NR2C2: variants seen among roughly 807,000 people sequenced by gnomAD.
NR2C2 encodes the protein nuclear receptor subfamily 2 group C member 2.
In NR2C2, 6 loss-of-function variants were observed where a neutral mutation model predicts 62.9. That is an observed-to-expected ratio of 0.10 (90% confidence interval 0.05 to 0.19). NR2C2 has a LOEUF of 0.19. Ranked by LOEUF, NR2C2 falls within the 10% of genes least tolerant of loss-of-function variation. NR2C2 has a pLI of 1.00. For missense variants in NR2C2, 479 were observed against 762.7 expected, an observed-to-expected ratio of 0.63 and a Z score of 4.38; for synonymous variants, 272 against 273.8, an observed-to-expected ratio of 0.99 and a Z score of 0.07.
chr3:15,005,368 C>CTTTTTT (rs761731325), intron 2 of NR2C2, among the ~76,000 whole-genome samples: 1 of 83,048 alleles, frequency 1.2e-5, no homozygotes, highest in Non-Finnish European at 2.2e-5. Flanking sequence ...ACGCATAATG[C>CTTTTTT]TTTTTTTTTT....
intron 1 of NR2C2, among the ~76,000 whole-genome samples, chr3:14,968,405 C>A (rs1325841118): frequency 6.6e-6 from 1 of 152,076 alleles, no homozygotes; most frequent in East Asian, 1.9e-4. Flanking sequence ...CACTGGTCAT[C>A]AGAGAAATGC....
chr3:14,993,970 CTGTT>C (rs544358189), intron 1 of NR2C2, among the ~76,000 whole-genome samples: 246 of 152,298 alleles, frequency 1.6e-3, no homozygotes, highest in African/African-American at 4.9e-3. Context: ...TTTCCAGTAA[CTGTT>C]TGTCCTCCAC....
chr3:14,989,656 G>T (rs1002137926), intron 1 of NR2C2, among the ~76,000 whole-genome samples: 1 of 151,944 alleles, frequency 6.6e-6, no homozygotes, highest in Non-Finnish European at 1.5e-5. Context: ...ATTTGACTGG[G>T]TGTGGTGGCT....
chr3:14,982,173 T>G (rs1280055008), intron 1 of NR2C2, among the ~76,000 whole-genome samples: 1 of 152,160 alleles, frequency 6.6e-6, no homozygotes, highest in Non-Finnish European at 1.5e-5. Flanking sequence ...CAAGCAGTCC[T>G]TCCACCTCAC....
At chr3:14,948,455 G>T (rs1416559930) in intron 1 of NR2C2, 1 of 152,324 alleles carries the variant, frequency 6.6e-6, no homozygotes, top group African/African-American at 2.4e-5. Context: ...GCCCAGATAG[G>T]AGGGCCGGGG....
At chr3:14,968,342 C>G (rs868847118) in intron 1 of NR2C2, among the ~76,000 whole-genome samples, 12 of 152,140 alleles carry the variant, frequency 7.9e-5, no homozygotes, top group South Asian at 2.1e-4. Flanking sequence ...ACAGACACTT[C>G]TCAAAAGAAG....
At chr3:14,986,393 G>A (rs2040515323) in intron 1 of NR2C2, among the ~76,000 whole-genome samples, 1 of 151,976 alleles carries the variant, frequency 6.6e-6, no homozygotes, top group African/African-American at 2.4e-5. Flanking sequence ...AGAGTCAGCT[G>A]GAATAAATGT....
intron 1 of NR2C2, among the ~76,000 whole-genome samples, chr3:14,981,622 A>G (rs914974033): frequency 1.2e-4 from 18 of 150,776 alleles, no homozygotes; most frequent in African/African-American, 3.9e-4. Flanking sequence ...AAAAAAAAAA[A>G]AGAGTATTGA....
At chr3:14,994,688 A>G (rs1574975727) in intron 1 of NR2C2, among the ~76,000 whole-genome samples, 2 of 136,970 alleles carry the variant, frequency 1.5e-5, no homozygotes, top group Non-Finnish European at 3.1e-5. Context: ...TGATCCGCCA[A>G]CCTCGGCCTC....
chr3:15,002,841 AG>A (rs936540630), intron 1 of NR2C2, among the ~76,000 whole-genome samples: 19 of 148,752 alleles, frequency 1.3e-4, no homozygotes, highest in Admixed American at 2.7e-4. Context: ...TATTTTTAGT[AG>A]AGACAGGGTT....
intron 5 of NR2C2, 148 bp downstream of exon 5, chr3:15,021,080 GC>G: frequency 1.3e-6 from 1 of 758,352 alleles, no homozygotes; most frequent in Non-Finnish European, 2.1e-6. Flanking sequence ...TCATGGGTCA[GC>G]CAGGTGATTG....
intron 1 of NR2C2, among the ~76,000 whole-genome samples, chr3:14,949,595 C>T (rs975351605): frequency 6.6e-6 from 1 of 152,154 alleles, no homozygotes; most frequent in South Asian, 2.1e-4. Context: ...GGAGGAGGGC[C>T]TCAGAAACTC....
Position 15,030,272 on chromosome 3 carries a change from C to T in NR2C2, c.933-3C>T, listed in dbSNP as rs2041945439. 1.9e-6 allele frequency: 3 copies of T among 1,606,692 alleles called. No individual in the cohort carries two copies. Among genetic ancestry groups the T allele is most frequent in the Non-Finnish European group, 2.5e-6 (3 of 1,177,734 alleles). ...CAATTACATGCTTCATTTTTGCTCA[C>T]AGGGCATTTGATACCTTAGCTAAAG... On this transcript the variant is annotated splice_region_variant and splice_polypyrimidine_tract_variant and intron_variant, in intron 8 of 13. Transcript: ENST00000425241.
At chr3:14,983,070 G>GATA (rs2040418329) in intron 1 of NR2C2, among the ~76,000 whole-genome samples, 1 of 152,058 alleles carries the variant, frequency 6.6e-6, no homozygotes, top group Non-Finnish European at 1.5e-5. Flanking sequence ...GGGTAAATGG[G>GATA]ATATCCATTA....
chr3:14,974,475 T>G (rs1178407034), intron 1 of NR2C2, among the ~76,000 whole-genome samples: 1 of 152,208 alleles, frequency 6.6e-6, no homozygotes, highest in African/African-American at 2.4e-5. Context: ...TGGCTTTGGA[T>G]AGTGTTGACT....
chr3:15,038,878 T>A, intron 12 of NR2C2: 1 of 437,928 alleles, frequency 2.3e-6, no homozygotes, highest in Non-Finnish European at 4.1e-6. Context: ...CCAGAACCAA[T>A]CATGTGGGGC....
intron 12 of NR2C2, 87 bp from the exon 13 acceptor site, chr3:15,039,035 G>A: frequency 1.1e-6 from 1 of 938,556 alleles, no homozygotes; most frequent in Non-Finnish European, 1.7e-6. Flanking sequence ...GAAGTTTGCA[G>A]AAGTTTGACT....
chr3:14,999,768 G>T, intron 1 of NR2C2, among the ~76,000 whole-genome samples: 1 of 151,202 alleles, frequency 6.6e-6, no homozygotes, highest in African/African-American at 2.4e-5. Flanking sequence ...ACTGTTCTTT[G>T]CCTATTGAAT....
At chr3:15,010,432 A>T (rs1203489092) in intron 2 of NR2C2, among the ~76,000 whole-genome samples, 1 of 152,130 alleles carries the variant, frequency 6.6e-6, no homozygotes, top group Non-Finnish European at 1.5e-5. Flanking sequence ...AGAAAAGAAT[A>T]ATCTAGCCAG....
Sources: gnomAD v4.1 joint callset for allele counts (sites outside exome capture counted in the v4.1 genomes callset) on GRCh38, gnomAD v4.1.1 for gene constraint, MANE v1.5 for transcripts, NCBI Gene and HGNC (gene_info 2026-07-23, HGNC 2026-07-21) for gene names.